The following TAOK2 variants were observed in gnomAD, a reference collection of about 807,000 sequenced individuals.
TAOK2 encodes the protein serine/threonine-protein kinase TAO2.
Under a neutral mutation model 122.5 loss-of-function variants are expected in TAOK2, and 42 were observed. The ratio of observed to expected loss-of-function variants is 0.34; its 90% CI spans 0.27 to 0.44. The LOEUF is 0.44. TAOK2 is among the 20% of genes least tolerant of loss of function. The pLI is 1.00. For synonymous variants in TAOK2, 704 were observed against 677.6 expected (o/e 1.04, Z -0.61); for missense variants, 1,264 against 1,644.9 (o/e 0.77, Z 4.01).
downstream of TAOK2, chr16:29,991,585 G>A: frequency 6.9e-7 from 1 of 1,456,694 alleles, no homozygotes; most frequent in East Asian, 2.6e-5. The surrounding 1 kb of genome is among the most constrained non-coding windows in gnomAD (Gnocchi z 5.6). Flanking sequence ...GCGGGGAGGA[G>A]CAGATGAGCT....
In TAOK2 at chr16:29,987,015, A is replaced by G; in HGVS notation, c.2743A>G (p.Arg915Gly). Residue 915 changes from arginine to glycine, a missense_variant, in exon 16 of 16, where the codon AGG becomes GGG. This residue lies in a region of TAOK2 where 824 missense variants were observed against 908.7 expected (regional missense o/e 0.91). Transcript: ENST00000308893. ...AGAGGGGGCTCCGATTGGGACCCCT[A>G]GGGATCCTGGAGATGGTTGTCCTTC... Reference protein sequence around the residue: ...EEEGAPIGTPRDPGDGCPSPD... With the variant: ...EEEGAPIGTPGDPGDGCPSPD... 6.2e-7 allele frequency: 1 copy of G among 1,612,706 alleles called. No homozygotes were observed. Among genetic ancestry groups the G allele is most frequent in the Non-Finnish European group, 8.5e-7 (1 of 1,179,124 alleles).
At chr16:29,981,457 A>G (rs1479597169) in intron 8 of TAOK2, 1 of 634,078 alleles carries the variant, frequency 1.6e-6, no homozygotes, top group East Asian at 2.7e-5. Context: ...CCCCTATTCC[A>G]CCCGTGTGCA....
chr16:29,980,932 A>G (rs1299198391), intron 8 of TAOK2: 2 of 152,342 alleles, frequency 1.3e-5, no homozygotes, highest in Non-Finnish European at 2.9e-5. Context: ...TCTCCAGACC[A>G]TTGTTATGCA....
At chr16:29,980,070 G>T (rs1254917757) in intron 8 of TAOK2, among the ~76,000 whole-genome samples, 12 of 152,190 alleles carry the variant, frequency 7.9e-5, no homozygotes, top group Admixed American at 7.2e-4. Context: ...GTAAGTGCAG[G>T]CCTGGGGAAC....
rs1313910840 is a variant in TAOK2, at chr16:29,974,317, C to T, written c.-367C>T. The stretch of plus-strand genomic sequence containing the variant: ...TATCAGGTTCAGGCCCCTGCGTGCA[C>T]CAGTATCCGGGGTTCATTCCCCGGG... On this transcript the variant is annotated 5_prime_UTR_variant, in exon 1 of 16. Transcript: ENST00000308893. The T allele has an allele frequency of 6.5e-6, 1 of 152,676 alleles. No homozygotes were observed. Among genetic ancestry groups the T allele is most frequent in the Non-Finnish European group, 1.5e-5 (1 of 68,066 alleles). The allele number at this position is 152,676 out of a possible 1,614,324, so 9.5% of individuals were successfully genotyped here.
chr16:29,978,451 T>G (rs2069522746), intron 4 of TAOK2, 98 bp downstream of exon 4: 3 of 1,314,066 alleles, frequency 2.3e-6, no homozygotes, highest in Non-Finnish European at 3.3e-6. Flanking sequence ...GTGGTGCTGT[T>G]GTGGGATCTT....
At chr16:29,983,415 T>A (rs3814884) in intron 12 of TAOK2, 83 bp downstream of exon 12, 671,486 of 1,557,800 alleles carry the variant, frequency 0.43, 148,864 homozygotes, top group South Asian at 0.5. Flanking sequence ...AGTGCAGCAC[T>A]CCTCTGAGTC....
At position 29,986,501 on chromosome 16, in the gene TAOK2, C is replaced by G. The variant is rs761318738; in HGVS notation, c.2229C>G (p.Leu743=). The G allele has an allele frequency of 1.2e-6, 2 of 1,609,414 alleles. No homozygotes were observed. The highest frequency in any genetic ancestry group is 1.7e-6 in the Non-Finnish European group (2 of 1,177,684). Residue 743 remains leucine (L), a synonymous_variant, in exon 16 of 16, where the codon CTC becomes CTG. Transcript: ENST00000308893. The surrounding 1 kb of genome is among the most constrained non-coding windows in gnomAD (Gnocchi z 4.2). The part of the protein sequence containing the change: ...AAQVRQQPKS[L]KVRAGQRPPG... ...AGGTTCGCCAGCAGCCCAAGAGCCT[C>G]AAAGTACGTGCAGGCCAGCGCCCCC...
chr16:29,989,184 T>G, downstream of TAOK2: 4 of 985,388 alleles, frequency 4.1e-6, no homozygotes, highest in Non-Finnish European at 4.8e-6. Flanking sequence ...CTCACGTGCT[T>G]CTGTCTCTAG....
downstream of TAOK2, chr16:29,991,633 G>A (rs79506721): frequency 7.4e-4 from 1,042 of 1,417,106 alleles, 5 homozygotes; most frequent in Middle Eastern, 5.6e-3. This position sits in a 1 kb window ranked among gnomAD's most constrained non-coding sequence, Gnocchi z 5.6. Flanking sequence ...ACCCTGGAGG[G>A]CACTGAGCTG....
chr16:29,977,037 A>G (rs2069476229), intron 1 of TAOK2, among the ~76,000 whole-genome samples: 1 of 152,180 alleles, frequency 6.6e-6, no homozygotes, highest in African/African-American at 2.4e-5. Flanking sequence ...AGTAAATGTT[A>G]TTTGTACCCT....
At chr16:29,982,023 A>ACGG (rs2069633340) in intron 10 of TAOK2, 83 bp downstream of exon 10, 1 of 1,171,130 alleles carries the variant, frequency 8.5e-7, no homozygotes, top group South Asian at 1.3e-5. Flanking sequence ...AGTGGTTCCC[A>ACGG]GTTCCTCCTC....
chr16:29,984,458 C>T (rs1376494466), intron 13 of TAOK2, among the ~76,000 whole-genome samples: 1 of 152,220 alleles, frequency 6.6e-6, no homozygotes, highest in African/African-American at 2.4e-5. Context: ...TGAGCGTCAA[C>T]AATCCCCTTA....
Position 29,983,668 on chromosome 16 carries a change from AGT to A in TAOK2, c.1422+7_1422+8del, listed in dbSNP as rs1434785843. The A allele has an allele frequency of 1.0e-5, 16 of 1,604,222 alleles. No individual in the cohort carries two copies. The highest frequency in any genetic ancestry group is 1.4e-5 in the Non-Finnish European group (16 of 1,174,604). ...CACCATCCGAACCGCCTCCCTGGTG[AGT>A]GTAGCCATCCTCACTCAGCCTGCTC... is the stretch of plus-strand genomic sequence containing the variant. On this transcript the variant is annotated splice_donor_5th_base_variant and intron_variant, in intron 13 of 15. Transcript: ENST00000308893.
intron 10 of TAOK2, 111 bp downstream of exon 10, chr16:29,982,051 A>T: frequency 1.1e-6 from 1 of 870,650 alleles, no homozygotes; most frequent in Non-Finnish European, 1.8e-6. Flanking sequence ...AGCTTCGTTG[A>T]TGAATTCCCA....
chr16:29,974,620 C>A lies in TAOK2; in HGVS notation c.-64C>A, dbSNP rs2069396286. On this transcript the variant is annotated 5_prime_UTR_variant, in exon 1 of 16. Transcript: ENST00000308893. Reference sequence around the variant, plus strand: ...GGAGGACCCCAGGCGGAAGCGGAGGCGCTGGGGCACCATAGTGACCCCTAC... The same window carrying A: ...GGAGGACCCCAGGCGGAAGCGGAGGAGCTGGGGCACCATAGTGACCCCTAC... 6.6e-6 allele frequency: 1 copy of A among 152,608 alleles called. No homozygotes were observed. The highest frequency in any genetic ancestry group is 1.5e-5 in the Non-Finnish European group (1 of 68,056). The allele number at this position is 152,608 out of a possible 1,614,324, so 9.5% of individuals were successfully genotyped here. A position where few individuals can be genotyped will look rare whatever the true frequency, so the allele number is the denominator to read the frequency against.
downstream of TAOK2, chr16:29,991,511 C>T: frequency 6.7e-7 from 1 of 1,481,758 alleles, no homozygotes; most frequent in Non-Finnish European, 9.0e-7. This position sits in a 1 kb window ranked among gnomAD's most constrained non-coding sequence, Gnocchi z 5.6. Flanking sequence ...GGCCCCTGAG[C>T]CGCAGCACCA....
chr16:29,979,355 G>A lies in TAOK2; in HGVS notation c.563+47G>A. 1 of 1,611,202 alleles carries A rather than the reference G, an allele frequency of 6.2e-7. No individual in the cohort carries two copies. The highest frequency in any genetic ancestry group is 2.2e-5 in the East Asian group (1 of 44,830). The stretch of plus-strand genomic sequence containing the variant: ...AGTGGAGAGACCTCCCAGGGATGTT[G>A]GGAGTAGGAGTGACAGGGTCTCGGC... On this transcript the variant is annotated intron_variant, in intron 7 of 15. Transcript: ENST00000308893. This position sits in a 1 kb window ranked among gnomAD's most constrained non-coding sequence, Gnocchi z 4.1.
downstream of TAOK2, chr16:29,990,703 G>C (rs1397942028): frequency 6.4e-6 from 9 of 1,415,266 alleles, no homozygotes; most frequent in Middle Eastern, 1.9e-4. Context: ...TGAAACCTTA[G>C]GGCCCAGGCC....
Sources: gnomAD v4.1 joint callset for allele counts (sites outside exome capture counted in the v4.1 genomes callset) on GRCh38, gnomAD v4.1.1 for gene constraint, gnomAD v4.1.1 regional missense constraint, Gnocchi (gnomAD v3.1) non-coding constraint, MANE v1.5 for transcripts, NCBI Gene and HGNC (gene_info 2026-07-23, HGNC 2026-07-21) for gene names.